Variants in RBFOX1 observed in about 807,000 individuals in gnomAD.
The protein encoded by RBFOX1 is RNA binding protein fox-1 homolog 1.
Under a neutral mutation model 57.7 loss-of-function variants are expected in RBFOX1, and 8 were observed. The ratio of observed to expected loss-of-function variants is 0.14; its 90% CI spans 0.08 to 0.25. RBFOX1 has a LOEUF of 0.25. Among genes scored for constraint, RBFOX1 ranks in the 10% least tolerant of loss-of-function variants. The pLI is 1.00. For synonymous variants in RBFOX1, 326 were observed against 222.4 expected (o/e 1.47, Z -4.15); for missense variants, 611 against 548.5 (o/e 1.11, Z -1.14).
intron 4 of RBFOX1, among the ~76,000 whole-genome samples, chr16:5,905,085 G>A (rs868643813): frequency 4.7e-5 from 1 of 21,224 alleles, no homozygotes; most frequent in Admixed American, 5.3e-4. Flanking sequence ...TTTTTTTTTT[G>A]AGACAGAGTT....
intron 3 of RBFOX1, among the ~76,000 whole-genome samples, chr16:6,863,662 T>C (rs2059390806): frequency 9.2e-6 from 1 of 108,150 alleles, no homozygotes; most frequent in African/African-American, 4.2e-5. Context: ...TCTGTTTTTT[T>C]TTTTCCTTAA....
chr16:6,262,007 C>A (rs2097704440), intron 1 of RBFOX1, among the ~76,000 whole-genome samples: 3 of 151,274 alleles, frequency 2.0e-5, no homozygotes, highest in African/African-American at 2.4e-5. Flanking sequence ...CCAGCCTGGG[C>A]AACAGAGTGA....
chr16:6,285,684 A>T (rs1312395106), intron 1 of RBFOX1, among the ~76,000 whole-genome samples: 1 of 152,100 alleles, frequency 6.6e-6, no homozygotes, highest in East Asian at 1.9e-4. Context: ...CTGCCTATCC[A>T]TCCTTGTATA....
intron 3 of RBFOX1, among the ~76,000 whole-genome samples, chr16:6,779,919 A>ATATATATTTATATATATT (rs1567210156): frequency 1.3e-3 from 5 of 3,818 alleles, no homozygotes; most frequent in East Asian, 0.014. Context: ...TTATATATTT[A>ATATATATTTATATATATT]TATATATTTA....
rs200773813 is a variant in RBFOX1, at chr16:7,295,208, G to C, written c.28-222939G>C. 9.9e-5 allele frequency among the ~76,000 whole-genome samples: 15 copies of C among 152,284 alleles called. No homozygotes were observed. In the East Asian group the frequency reaches 2.9e-3, roughly 29 times the overall value. ...GGTTAAATAAATTGTGTACTCAGAA[G>C]ACCAGGGCAGAAAGGTGATGTGTAT... On this transcript the variant is annotated intron_variant, in intron 4 of 15. Transcript: ENST00000550418.
At chr16:6,534,512 T>C (rs1404970331) in intron 2 of RBFOX1, among the ~76,000 whole-genome samples, 1 of 152,144 alleles carries the variant, frequency 6.6e-6, no homozygotes, top group Non-Finnish European at 1.5e-5. Context: ...GAATCATGCT[T>C]TTCATGCCAT....
At chr16:7,088,815 G>A (rs184872787) in intron 4 of RBFOX1, among the ~76,000 whole-genome samples, 32 of 152,274 alleles carry the variant, frequency 2.1e-4, no homozygotes, top group African/African-American at 7.2e-4. Flanking sequence ...TGCCAAGGGA[G>A]GGAGGCGTTT....
chr16:5,854,569 C>T (rs76410348), intron 3 of RBFOX1, among the ~76,000 whole-genome samples: 2,443 of 135,354 alleles, frequency 0.018, 26 homozygotes, highest in Middle Eastern at 0.059. Flanking sequence ...CCCCCCCACA[C>T]ACAAGCACAC....
chr16:6,225,368 T>G (rs1337797574), intron 1 of RBFOX1, among the ~76,000 whole-genome samples: 1 of 152,164 alleles, frequency 6.6e-6, no homozygotes, highest in Non-Finnish European at 1.5e-5. Flanking sequence ...CCGGTTTGCC[T>G]TGGGAACAGA....
chr16:7,522,204 C>T (rs1385085748), intron 5 of RBFOX1, among the ~76,000 whole-genome samples: 4 of 152,094 alleles, frequency 2.6e-5, no homozygotes, highest in East Asian at 1.9e-4. Context: ...GAATCTTGTC[C>T]GAGCTAAAGG....
At chr16:5,411,214 C>T (rs982651181) in intron 1 of RBFOX1, among the ~76,000 whole-genome samples, 11 of 152,154 alleles carry the variant, frequency 7.2e-5, no homozygotes, top group African/African-American at 2.7e-4. Flanking sequence ...GAACAAGTCA[C>T]CTTGCATGGC....
At position 5,447,063 on chromosome 16, in the gene RBFOX1, C is replaced by A. The variant is rs1337842101; in HGVS notation, c.220-20153C>A. ...AGATGCTAATCTCTAAGCAAACAAA[C>A]CATCACGATCAACAAAAGAGGTAAT... On this transcript the variant is annotated intron_variant, in intron 1 of 2. Transcript: ENST00000585867. Among the ~76,000 whole-genome samples, 3 of 152,154 alleles carry A rather than the reference C, an allele frequency of 2.0e-5. No individual in the cohort carries two copies. The East Asian group carries it at 5.8e-4, about 29-fold the overall frequency.
intron 1 of RBFOX1, among the ~76,000 whole-genome samples, chr16:5,295,511 G>C (rs1472111684): frequency 6.6e-6 from 1 of 152,134 alleles, no homozygotes; most frequent in Non-Finnish European, 1.5e-5. Flanking sequence ...GAGGCTTGAC[G>C]GGTGATTGAT....
chr16:7,044,378 G>A lies in RBFOX1; in HGVS notation c.-15-7679G>A, dbSNP rs914062352. The stretch of plus-strand genomic sequence containing the variant: ...GGGTCAGAATAAAGCAGGAAGAACT[G>A]ATAAGAGAGAACTCAAAGTCAGGAG... On this transcript the variant is annotated intron_variant, in intron 3 of 15. Transcript: ENST00000550418. 1.1e-4 allele frequency among the ~76,000 whole-genome samples: 17 copies of A among 152,180 alleles called. 1 individual carries two copies. The highest frequency in any genetic ancestry group is 3.9e-4 in the African/African-American group (16 of 41,446).
At chr16:5,262,050 C>A (rs575124255) in intron 1 of RBFOX1, among the ~76,000 whole-genome samples, 11 of 152,202 alleles carry the variant, frequency 7.2e-5, no homozygotes, top group African/African-American at 2.6e-4. Context: ...GTAATAAATA[C>A]AGTAAAAGAA....
intron 2 of RBFOX1, among the ~76,000 whole-genome samples, chr16:6,458,011 G>GA (rs3066910): frequency 0.015 from 2,244 of 149,986 alleles, 29 homozygotes; most frequent in African/African-American, 0.03. Flanking sequence ...TCTCAAAACT[G>GA]AAAAAAAAAA....
At chr16:7,210,260 A>C (rs998874766) in intron 4 of RBFOX1, among the ~76,000 whole-genome samples, 4 of 152,188 alleles carry the variant, frequency 2.6e-5, no homozygotes, top group Non-Finnish European at 5.9e-5. Context: ...TAGGATTGCG[A>C]GGCTGACTAA....
intron 1 of RBFOX1, among the ~76,000 whole-genome samples, chr16:6,060,122 GTTTTTTTT>G (rs199690584): frequency 3.5e-4 from 40 of 114,194 alleles, no homozygotes; most frequent in East Asian, 1.1e-3. Context: ...TAGGATTAGG[GTTTTTTTT>G]TTTTTTTTTT....
chr16:6,837,209 T>C (rs1885775669), intron 3 of RBFOX1, among the ~76,000 whole-genome samples: 1 of 152,244 alleles, frequency 6.6e-6, no homozygotes, highest in African/African-American at 2.4e-5. Context: ...CTAGGTAACA[T>C]ACAAACTGTG....
Sources: gnomAD v4.1 joint callset for allele counts (sites outside exome capture counted in the v4.1 genomes callset) on GRCh38, gnomAD v4.1.1 for gene constraint, MANE v1.5 for transcripts, NCBI Gene and HGNC (gene_info 2026-07-23, HGNC 2026-07-21) for gene names.